The following CADM1 variants were observed in gnomAD, a reference collection of about 807,000 sequenced individuals.
CADM1 encodes TSLC-1.
A neutral mutation model predicts 53.1 loss-of-function variants in CADM1; 15 were observed. The observed-to-expected ratio is 0.28, with a 90% CI of 0.19 to 0.44. The LOEUF is 0.44. Among genes scored for constraint, CADM1 ranks in the 20% least tolerant of loss-of-function variants. CADM1 has a pLI of 1.00. For synonymous variants in CADM1, 281 were observed against 243.0 expected, an observed-to-expected ratio of 1.16 and a Z score of -1.45; for missense variants, 434 against 611.3, an observed-to-expected ratio of 0.71 and a Z score of 3.06.
intron 8 of CADM1, among the ~76,000 whole-genome samples, chr11:115,201,615 T>G (rs1375243456): frequency 2.0e-4 from 30 of 152,136 alleles, no homozygotes; most frequent in Admixed American, 2.0e-3. Context: ...AATACTAAAT[T>G]TCAATGTAAG....
intron 1 of CADM1, among the ~76,000 whole-genome samples, chr11:115,359,108 T>C (rs1160400316): frequency 6.6e-6 from 1 of 152,158 alleles, no homozygotes; most frequent in African/African-American, 2.4e-5. Context: ...GGCACATCTG[T>C]GTGGCTTTTC....
chr11:115,269,157 T>A (rs1943227575), intron 1 of CADM1, among the ~76,000 whole-genome samples: 1 of 152,092 alleles, frequency 6.6e-6, no homozygotes, highest in Non-Finnish European at 1.5e-5. Flanking sequence ...ACAATCCACA[T>A]GCTGTCATTC....
intron 8 of CADM1, among the ~76,000 whole-genome samples, chr11:115,201,967 T>G (rs1309328756): frequency 6.6e-6 from 1 of 152,148 alleles, no homozygotes; most frequent in East Asian, 1.9e-4. Flanking sequence ...ATGAGTACAG[T>G]CAAACAAGGT....
intron 1 of CADM1, among the ~76,000 whole-genome samples, chr11:115,503,294 G>T (rs1949772784): frequency 5.9e-5 from 9 of 152,210 alleles, no homozygotes; most frequent in Admixed American, 5.9e-4. Flanking sequence ...GGCTCCAGCC[G>T]AGTGCTCGGT....
chr11:115,272,910 A>T lies in CADM1; in HGVS notation c.125-32490T>A, dbSNP rs571365150. ...AACTTAAAGTATAATAAAAAAATTT[A>T]AAAAAAAAGCAACGACGTGAAGTTT... On this transcript the variant is annotated intron_variant, in intron 1 of 11. Coordinates refer to ENST00000331581, the MANE Select transcript of CADM1 (RefSeq NM_001301043.2). Among the ~76,000 whole-genome samples the T allele has an allele frequency of 8.7e-4, 131 of 151,256 alleles. 1 individual carries two copies. The highest frequency in any genetic ancestry group is 1.6e-3 in the African/African-American group (67 of 41,228).
intron 5 of CADM1, among the ~76,000 whole-genome samples, chr11:115,226,482 T>C (rs1941611933): frequency 6.6e-6 from 1 of 152,216 alleles, no homozygotes; most frequent in Non-Finnish European, 1.5e-5. Context: ...TAAGAACTGC[T>C]GACTTCAACG....
chr11:115,340,592 G>C (rs1266551345), intron 1 of CADM1, among the ~76,000 whole-genome samples: 1 of 126,942 alleles, frequency 7.9e-6, no homozygotes, highest in Non-Finnish European at 1.6e-5. Context: ...AATTTCCCCT[G>C]GTCTCAGAGT....
At chr11:115,188,901 GTTTTT>G (rs68070649) in intron 10 of CADM1, among the ~76,000 whole-genome samples, 1 of 147,228 alleles carries the variant, frequency 6.8e-6, no homozygotes, top group African/African-American at 2.5e-5. Context: ...TTTATTGGTT[GTTTTT>G]TTTTTCCCTT....
At chr11:115,400,661 G>GTGTATATATATATA (rs1295332849) in intron 1 of CADM1, among the ~76,000 whole-genome samples, 1 of 46,570 alleles carries the variant, frequency 2.1e-5, no homozygotes, top group African/African-American at 7.3e-5. Context: ...GTGTGTGTGT[G>GTGTATATATATATA]TATATATATA....
intron 1 of CADM1, among the ~76,000 whole-genome samples, chr11:115,386,707 G>A (rs542494505): frequency 5.2e-3 from 1 of 192 alleles, no homozygotes; most frequent in Non-Finnish European, 0.012. Flanking sequence ...CAATTCATGA[G>A]GGCAGAGCCT....
chr11:115,448,722 A>G (rs528020000), intron 1 of CADM1, among the ~76,000 whole-genome samples: 116 of 152,284 alleles, frequency 7.6e-4, no homozygotes, highest in African/African-American at 2.7e-3. Flanking sequence ...TGGGGTTACT[A>G]GCAATATCAC....
At chr11:115,212,418 C>T (rs1941004307) in intron 7 of CADM1, among the ~76,000 whole-genome samples, 2 of 152,126 alleles carry the variant, frequency 1.3e-5, no homozygotes, top group Non-Finnish European at 2.9e-5. Flanking sequence ...AATCTGTCAT[C>T]CCAAGTATTG....
intron 1 of CADM1, among the ~76,000 whole-genome samples, chr11:115,256,208 G>C (rs959758694): frequency 6.6e-6 from 1 of 152,190 alleles, no homozygotes; most frequent in East Asian, 1.9e-4. Flanking sequence ...AAAAATAAAA[G>C]CTATCTTACC....
rs115041725 is a variant in CADM1, at chr11:115,390,620, T to G, written c.124+113651A>C. Reference sequence around the variant, plus strand: ...AGGAAAACTGAAACAGCACCACCATTCATTTTCTAATAGGTTCCCGGAGTC... The same window carrying G: ...AGGAAAACTGAAACAGCACCACCATGCATTTTCTAATAGGTTCCCGGAGTC... On this transcript the variant is annotated intron_variant, in intron 1 of 11. Transcript: ENST00000331581. Among the ~76,000 whole-genome samples, 930 of 151,596 alleles carry G rather than the reference T, an allele frequency of 6.1e-3. 12 individuals are homozygous for G. Among genetic ancestry groups the G allele is most frequent in the African/African-American group, 0.022 (891 of 41,264 alleles).
At chr11:115,413,919 A>G (rs1252004859) in intron 1 of CADM1, among the ~76,000 whole-genome samples, 1 of 152,156 alleles carries the variant, frequency 6.6e-6, no homozygotes, top group Admixed American at 6.5e-5. Context: ...CTGGGATTAC[A>G]GGTGTGAGCC....
chr11:115,433,468 A>C (rs1382812154), intron 1 of CADM1, among the ~76,000 whole-genome samples: 3 of 152,180 alleles, frequency 2.0e-5, no homozygotes, highest in Non-Finnish European at 4.4e-5. Context: ...GAGTTATGTG[A>C]CCATTTCTTT....
In CADM1 at chr11:115,176,207, T is replaced by C; in HGVS notation, c.*267A>G. On this transcript the variant is annotated 3_prime_UTR_variant, in exon 12 of 12. Coordinates refer to ENST00000331581, the MANE Select transcript of CADM1 (RefSeq NM_001301043.2). The stretch of plus-strand genomic sequence containing the variant: ...AGAATTTTCTGCAATCTACTGAAAC[T>C]AAATCCAAGTATCCAAGTTTGACTT... 1 of 1,224,764 alleles carries C rather than the reference T, an allele frequency of 8.2e-7. No homozygotes were observed. The highest frequency in any genetic ancestry group is 1.0e-6 in the Non-Finnish European group (1 of 967,902). The allele number at this position is 1,224,764 out of a possible 1,614,324, so 75.9% of individuals were successfully genotyped here. A position where few individuals can be genotyped will look rare whatever the true frequency, so the allele number is the denominator to read the frequency against.
chr11:115,343,573 G>C (rs1158349348), intron 1 of CADM1, among the ~76,000 whole-genome samples: 1 of 152,022 alleles, frequency 6.6e-6, no homozygotes, highest in Non-Finnish European at 1.5e-5. Context: ...ATACATTTAT[G>C]AATATATAAA....
chr11:115,475,141 G>C (rs901904387), intron 1 of CADM1, among the ~76,000 whole-genome samples: 4 of 151,860 alleles, frequency 2.6e-5, no homozygotes, highest in Non-Finnish European at 4.4e-5. Context: ...TATTTGCATA[G>C]AACCTGCCCA....
Sources: allele counts gnomAD v4.1 joint callset (sites outside exome capture counted in the v4.1 genomes callset), GRCh38; gene constraint gnomAD v4.1.1; transcripts MANE v1.5; gene names NCBI Gene and HGNC (gene_info 2026-07-23, HGNC 2026-07-21).